The following FGF13 variants were observed in gnomAD, a reference collection of about 807,000 sequenced individuals.
FGF13 encodes fibroblast growth factor 13.
FGF13 carries 2 observed loss-of-function variants against 19.5 expected under a neutral mutation model. The ratio of observed to expected loss-of-function variants is 0.10; its 90% CI spans 0.04 to 0.32. The LOEUF (loss-of-function observed/expected upper bound fraction) is 0.32. FGF13 is among the 10% of genes least tolerant of loss of function. The pLI is 1.00. For missense variants in FGF13, 113 were observed against 192.7 expected (o/e 0.59, Z 2.45); for synonymous variants, 72 against 76.9 (o/e 0.94, Z 0.33).
At chrX:139,129,410 A>G (rs957155976) in intron 1 of FGF13, among the ~76,000 whole-genome samples, 1 of 110,870 alleles carries the variant, frequency 9.0e-6, no homozygotes, top group Non-Finnish European at 1.9e-5. Context: ...GGGAGAAGAC[A>G]GCCTAAATCC....
intron 3 of FGF13, among the ~76,000 whole-genome samples, chrX:138,763,311 T>C (rs2090480399): frequency 9.0e-6 from 1 of 110,681 alleles, no homozygotes; most frequent in Non-Finnish European, 1.9e-5. Flanking sequence ...TCTATATATA[T>C]GGAGGGGTTT....
intron 1 of FGF13, among the ~76,000 whole-genome samples, chrX:138,962,807 G>C (rs1167856213): frequency 9.0e-6 from 1 of 111,259 alleles, no homozygotes; most frequent in Admixed American, 9.6e-5. Context: ...GAGAACACTT[G>C]GACACAGGGT....
rs1393876959 is a variant in FGF13, at chrX:138,627,620, TGTGTGTGC to T, written c.*5222_*5229del. ...GCCTGTGTGTGTGTGTGTGTGTGTG[TGTGTGTGC>T]GCGTGTGTGTGTGTGTGTGTGTGAA... On this transcript the variant is annotated 3_prime_UTR_variant, in exon 5 of 5. Transcript: ENST00000315930. 5.3e-5 allele frequency: 5 copies of T among 95,133 alleles called. No homozygotes were observed. Among genetic ancestry groups the T allele is most frequent in the African/African-American group, 1.7e-4 (4 of 23,727 alleles). 7.8% of individuals were successfully genotyped at this position (95,133 alleles called of 1,213,427 possible).
intron 3 of FGF13, among the ~76,000 whole-genome samples, chrX:138,810,464 A>T (rs911027384): frequency 9.0e-6 from 1 of 111,724 alleles, no homozygotes; most frequent in African/African-American, 3.3e-5. Context: ...TAAAGACTTA[A>T]ATGTTAGACC....
At chrX:139,003,112 G>A (rs2092081462) in intron 1 of FGF13, among the ~76,000 whole-genome samples, 1 of 112,048 alleles carries the variant, frequency 8.9e-6, no homozygotes, top group Non-Finnish European at 1.9e-5. Flanking sequence ...CGCGGTGAGT[G>A]TTACAGCTCT....
At position 138,711,660 on chromosome X, in the gene FGF13, C is replaced by T; in HGVS notation, c.-657G>A. 4.0e-6 allele frequency: 3 copies of T among 754,676 alleles called. No individual in the cohort carries two copies. The highest frequency in any genetic ancestry group is 4.7e-6 in the Non-Finnish European group (3 of 639,078). The allele number at this position is 754,676 out of a possible 1,213,427, so 62.2% of individuals were successfully genotyped here. The stretch of plus-strand genomic sequence containing the variant: ...TTCGCTGTTGCTGCTGCTCTGGGCG[C>T]GGCACAGTCGCAGCACAGGAATTCA... On this transcript the variant is annotated 5_prime_UTR_variant, in exon 1 of 5. Transcript: ENST00000315930.
intron 3 of FGF13, among the ~76,000 whole-genome samples, chrX:138,677,511 G>A (rs1300287418): frequency 2.7e-5 from 3 of 111,393 alleles, no homozygotes; most frequent in Non-Finnish European, 3.8e-5. Context: ...ATCAAAAAGT[G>A]GGCAAAGGAC....
intron 1 of FGF13, among the ~76,000 whole-genome samples, chrX:139,194,084 C>G (rs1355333011): frequency 3.6e-5 from 4 of 111,904 alleles, no homozygotes; most frequent in African/African-American, 1.3e-4. Flanking sequence ...ACCCCAGGCA[C>G]AAATCACCAT....
intron 1 of FGF13, among the ~76,000 whole-genome samples, chrX:139,032,764 G>A (rs1219157080): frequency 9.1e-6 from 1 of 109,852 alleles, no homozygotes; most frequent in African/African-American, 3.3e-5. Flanking sequence ...CTCTGCTGGG[G>A]TCTGAATGAC....
At chrX:139,062,175 T>C (rs1027314464) in intron 1 of FGF13, among the ~76,000 whole-genome samples, 1 of 111,539 alleles carries the variant, frequency 9.0e-6, no homozygotes, top group African/African-American at 3.3e-5. Flanking sequence ...CATGTTTTCC[T>C]CTAGTAGTTT....
chrX:139,191,670 C>T lies in FGF13; in HGVS notation c.-113+11746G>A, dbSNP rs186446142. Reference sequence around the variant, plus strand: ...GAAGGGGTGGGGGTGCACCTAGGCCCAGCCCAACACTCACACTCCTGCTTC... The same window carrying T: ...GAAGGGGTGGGGGTGCACCTAGGCCTAGCCCAACACTCACACTCCTGCTTC... On this transcript the variant is annotated intron_variant, in intron 1 of 2. Transcript: ENST00000421460. Among the ~76,000 whole-genome samples the T allele has an allele frequency of 7.0e-3, 784 of 111,513 alleles. 9 individuals are homozygous for T. Among genetic ancestry groups the T allele is most frequent in the African/African-American group, 0.024 (731 of 30,661 alleles).
At chrX:139,170,431 T>A (rs1393346599) in intron 1 of FGF13, among the ~76,000 whole-genome samples, 1 of 111,807 alleles carries the variant, frequency 8.9e-6, no homozygotes, top group Non-Finnish European at 1.9e-5. Flanking sequence ...TCTTCCTAGC[T>A]TGGTCTCTTG....
chrX:139,185,903 G>A (rs60392655), intron 1 of FGF13, among the ~76,000 whole-genome samples: 1,998 of 111,282 alleles, frequency 0.018, 42 homozygotes, highest in African/African-American at 0.061. Flanking sequence ...AAAGTAAGGG[G>A]GAAAAATGTG....
chrX:138,857,597 T>C (rs376761060), exon 3 of FGF13: 6 of 1,208,263 alleles, frequency 5.0e-6, no homozygotes, highest in Non-Finnish European at 6.7e-6. Context: ...AGGGGGACTC[T>C]TTTTTCTTTA....
chrX:138,693,544 G>A (rs138861159), intron 3 of FGF13, among the ~76,000 whole-genome samples: 2,157 of 111,465 alleles, frequency 0.019, 45 homozygotes, highest in African/African-American at 0.065. Context: ...CAAACCATTA[G>A]TGTGAACTGA....
intron 1 of FGF13, among the ~76,000 whole-genome samples, chrX:138,865,184 A>C (rs2091310864): frequency 8.9e-6 from 1 of 111,973 alleles, no homozygotes. Context: ...TCCTCTGCCC[A>C]GTACGAACGC....
chrX:138,758,996 G>A (rs1250939949), intron 3 of FGF13, among the ~76,000 whole-genome samples: 1 of 112,042 alleles, frequency 8.9e-6, no homozygotes, highest in Non-Finnish European at 1.9e-5. Flanking sequence ...TCCTTTCCTT[G>A]AACGACAACT....
intron 1 of FGF13, among the ~76,000 whole-genome samples, chrX:138,909,258 G>A (rs1044644803): frequency 8.9e-6 from 1 of 111,877 alleles, no homozygotes; most frequent in African/African-American, 3.2e-5. Flanking sequence ...GCTCTCACCC[G>A]GAGTGGGAGA....
chrX:138,660,527 TG>T (rs2089481171), intron 3 of FGF13, among the ~76,000 whole-genome samples: 2 of 111,938 alleles, frequency 1.8e-5, no homozygotes, highest in Non-Finnish European at 3.8e-5. Flanking sequence ...TGAGATATTT[TG>T]ATACAGGTAT....
Sources: gnomAD v4.1 joint callset for allele counts (sites outside exome capture counted in the v4.1 genomes callset) on GRCh38, gnomAD v4.1.1 for gene constraint, MANE v1.5 for transcripts, NCBI Gene and HGNC (gene_info 2026-07-23, HGNC 2026-07-21) for gene names.